PDE1C: variants seen among roughly 807,000 people sequenced by gnomAD.
PDE1C encodes the protein phosphodiesterase 1C, also known as dual specificity calcium/calmodulin-dependent 3',5'-cyclic nucleotide phosphodiesterase 1C.
A neutral mutation model predicts 93.1 loss-of-function variants in PDE1C; 62 were observed. That is an observed-to-expected ratio of 0.67 (90% CI 0.54 to 0.82). The LOEUF is 0.82. Among genes scored for constraint, PDE1C ranks in the 40% least tolerant of loss-of-function variants. The pLI is 0.00. For missense variants in PDE1C, 742 were observed against 884.6 expected, an observed-to-expected ratio of 0.84 and a Z score of 2.04; for synonymous variants, 325 against 310.1, an observed-to-expected ratio of 1.05 and a Z score of -0.50.
At chr7:32,261,484 T>C (rs770516572) in intron 1 of PDE1C, among the ~76,000 whole-genome samples, 1 of 152,100 alleles carries the variant, frequency 6.6e-6, no homozygotes, top group Non-Finnish European at 1.5e-5. Context: ...ATAATAAAAC[T>C]CCAGTCTCTC....
intron 2 of PDE1C, among the ~76,000 whole-genome samples, chr7:31,999,833 A>C (rs773137121): frequency 1.3e-5 from 2 of 152,202 alleles, no homozygotes; most frequent in Non-Finnish European, 2.9e-5. Flanking sequence ...TCATTCAGCA[A>C]TTATTTACTG....
At chr7:32,219,479 A>T (rs953855558) in intron 1 of PDE1C, among the ~76,000 whole-genome samples, 1 of 152,152 alleles carries the variant, frequency 6.6e-6, no homozygotes, top group African/African-American at 2.4e-5. Context: ...GCATCTGCAG[A>T]TAGGGATGTG....
intron 1 of PDE1C, among the ~76,000 whole-genome samples, chr7:32,239,778 C>G (rs912014630): frequency 6.6e-6 from 1 of 152,186 alleles, no homozygotes; most frequent in Non-Finnish European, 1.5e-5. Context: ...TCACTAGAAC[C>G]ATTCACAAAC....
chr7:32,192,765 A>T (rs1011120973), intron 2 of PDE1C, among the ~76,000 whole-genome samples: 1 of 152,166 alleles, frequency 6.6e-6, no homozygotes, highest in Admixed American at 6.5e-5. Context: ...GCATATAATT[A>T]TAGGGAGAAC....
chr7:32,308,957 C>T (rs1304301335), intron 1 of PDE1C, among the ~76,000 whole-genome samples: 3 of 151,532 alleles, frequency 2.0e-5, no homozygotes, highest in Non-Finnish European at 2.9e-5. Context: ...CTCCGAGCTA[C>T]AGGAGGAAAC....
chr7:32,290,470 A>G (rs898333676), intron 1 of PDE1C, among the ~76,000 whole-genome samples: 1 of 152,156 alleles, frequency 6.6e-6, no homozygotes. Flanking sequence ...GGGTTCTTAC[A>G]TTCCTCAACC....
intron 2 of PDE1C, among the ~76,000 whole-genome samples, chr7:31,890,182 G>GCCA: frequency 6.6e-6 from 1 of 152,160 alleles, no homozygotes. Flanking sequence ...TCCACCCCAG[G>GCCA]CCATGCTGGG....
intron 2 of PDE1C, among the ~76,000 whole-genome samples, chr7:31,884,275 G>C (rs561165634): frequency 3.9e-5 from 6 of 151,900 alleles, no homozygotes; most frequent in African/African-American, 1.4e-4. Context: ...AAATGTGAAA[G>C]GATTCACTTT....
chr7:31,715,206 A>G, the PDE1C span, among the ~76,000 whole-genome samples: 11 of 152,188 alleles, frequency 7.2e-5, no homozygotes, highest in African/African-American at 2.6e-4. Context: ...TATTATTGTA[A>G]TAGCAATTAG....
At chr7:31,893,220 T>C (rs1028751602) in intron 2 of PDE1C, among the ~76,000 whole-genome samples, 5 of 152,202 alleles carry the variant, frequency 3.3e-5, no homozygotes, top group Admixed American at 2.6e-4. Context: ...TCATTTCCAA[T>C]AAGTAGGAAA....
At chr7:32,250,428 G>A (rs946695546) in intron 1 of PDE1C, among the ~76,000 whole-genome samples, 2 of 152,184 alleles carry the variant, frequency 1.3e-5, no homozygotes, top group Non-Finnish European at 2.9e-5. Flanking sequence ...TAAAAATGGA[G>A]TTTATTGGGT....
chr7:31,900,366 A>T (rs1230342002), intron 2 of PDE1C, among the ~76,000 whole-genome samples: 3 of 151,806 alleles, frequency 2.0e-5, no homozygotes, highest in African/African-American at 7.2e-5. Flanking sequence ...CTTCTAGAAA[A>T]CAAGAAAAAG....
At chr7:31,666,993 C>T in the PDE1C span, among the ~76,000 whole-genome samples, 3 of 152,124 alleles carry the variant, frequency 2.0e-5, no homozygotes, top group African/African-American at 7.2e-5. Context: ...ATTGAAACAA[C>T]AGAGAAGGAA....
intron 3 of PDE1C, among the ~76,000 whole-genome samples, chr7:32,135,221 C>T (rs1326759182): frequency 6.6e-6 from 1 of 152,136 alleles, no homozygotes; most frequent in Non-Finnish European, 1.5e-5. Flanking sequence ...TACCAGAACT[C>T]CTCTCATGAT....
At chr7:32,071,416 A>C, upstream of PDE1C, 1 of 985,210 alleles carries the variant, frequency 1.0e-6, no homozygotes, top group Non-Finnish European at 1.2e-6. Context: ...CACACTCAAA[A>C]ACTCTTGATG....
intron 1 of PDE1C, among the ~76,000 whole-genome samples, chr7:32,229,839 C>T (rs1418245046): frequency 1.3e-5 from 2 of 152,172 alleles, no homozygotes; most frequent in African/African-American, 4.8e-5. Flanking sequence ...TGGAATCTAA[C>T]AAGAGCTAAC....
intron 1 of PDE1C, among the ~76,000 whole-genome samples, chr7:32,292,270 T>G (rs1812382658): frequency 6.6e-6 from 1 of 152,210 alleles, no homozygotes; most frequent in South Asian, 2.1e-4. Context: ...TTTTTATTAT[T>G]TGTTGAGGTA....
At chr7:31,698,420 T>C in the PDE1C span, among the ~76,000 whole-genome samples, 8 of 152,186 alleles carry the variant, frequency 5.3e-5, no homozygotes, top group Non-Finnish European at 8.8e-5. Context: ...TATACCAAGA[T>C]GAATGGTGGG....
At chr7:31,744,517 C>T in the PDE1C span, among the ~76,000 whole-genome samples, 1 of 152,086 alleles carries the variant, frequency 6.6e-6, no homozygotes, top group Non-Finnish European at 1.5e-5. Context: ...GTATCAGGTG[C>T]GATCTGTTGC....
Sources: gnomAD v4.1 joint callset for allele counts (sites outside exome capture counted in the v4.1 genomes callset) on GRCh38, gnomAD v4.1.1 for gene constraint, MANE v1.5 for transcripts, NCBI Gene and HGNC (gene_info 2026-07-23, HGNC 2026-07-21) for gene names.